Variants in SLC35G2 observed in about 807,000 individuals in gnomAD.
The protein encoded by SLC35G2 is transmembrane protein 22.
Under a neutral mutation model 27.2 loss-of-function variants are expected in SLC35G2, and 20 were observed. The observed-to-expected ratio is 0.74, with a 90% CI of 0.52 to 1.07. The LOEUF (loss-of-function observed/expected upper bound fraction) is 1.07. SLC35G2 is among the 50% of genes least tolerant of loss of function. The probability of loss-of-function intolerance (pLI) is 0.00; values close to 1 mark genes in which losing one functional copy is unlikely to be tolerated. For missense variants in SLC35G2, 416 were observed against 493.3 expected (o/e 0.84, Z 1.48); for synonymous variants, 148 against 165.3 (o/e 0.90, Z 0.80).
At chr3:136,840,722 C>G (rs1477155440) in intron 1 of SLC35G2, among the ~76,000 whole-genome samples, 1 of 151,972 alleles carries the variant, frequency 6.6e-6, no homozygotes, top group Non-Finnish European at 1.5e-5. Context: ...CTCCCTGGTT[C>G]AAGTGATTCT....
Position 136,819,494 on chromosome 3 carries a change from G to T in SLC35G2, c.-153G>T, listed in dbSNP as rs934444568. The T allele has an allele frequency of 1.3e-5, 2 of 152,184 alleles. No individual in the cohort carries two copies. The highest frequency in any genetic ancestry group is 4.8e-5 in the African/African-American group (2 of 41,434). 9.4% of individuals were successfully genotyped at this position (152,184 alleles called of 1,614,324 possible). A position where few individuals can be genotyped will look rare whatever the true frequency, so the allele number is the denominator to read the frequency against. On this transcript the variant is annotated 5_prime_UTR_variant, in exon 1 of 2. Transcript: ENST00000446465. ...TCCTGGAGAACCGGGACACGGGGAC[G>T]GGAGGGCCAGCATCGGCTACGGCCC...
chr3:136,825,433 A>T (rs566807463), intron 1 of SLC35G2, among the ~76,000 whole-genome samples: 2 of 151,888 alleles, frequency 1.3e-5, no homozygotes, highest in East Asian at 3.9e-4. Context: ...AGTAGAGGCA[A>T]GGTTTTGCCG....
chr3:136,844,146 T>A (rs1266075308), intron 1 of SLC35G2, among the ~76,000 whole-genome samples: 1 of 151,954 alleles, frequency 6.6e-6, no homozygotes, highest in Non-Finnish European at 1.5e-5. Flanking sequence ...GAGCCGAGAT[T>A]TCGCCACTGC....
At chr3:136,823,063 C>T (rs758138050) in intron 1 of SLC35G2, among the ~76,000 whole-genome samples, 2 of 152,164 alleles carry the variant, frequency 1.3e-5, no homozygotes, top group Non-Finnish European at 2.9e-5. Context: ...CACATCCTTG[C>T]CAGCTTTTGT....
At chr3:136,847,597 A>T (rs1293338603) in intron 1 of SLC35G2, among the ~76,000 whole-genome samples, 1 of 151,104 alleles carries the variant, frequency 6.6e-6, no homozygotes, top group Non-Finnish European at 1.5e-5. Flanking sequence ...AAGAAAAAAA[A>T]AATTGGCTTA....
intron 1 of SLC35G2, among the ~76,000 whole-genome samples, chr3:136,851,045 G>A (rs1937608582): frequency 6.6e-6 from 1 of 152,136 alleles, no homozygotes; most frequent in Non-Finnish European, 1.5e-5. Flanking sequence ...AAATTCCACT[G>A]AGTTGAGACA....
At chr3:136,833,106 G>T (rs904853750) in intron 1 of SLC35G2, among the ~76,000 whole-genome samples, 16 of 151,104 alleles carry the variant, frequency 1.1e-4, no homozygotes, top group African/African-American at 3.4e-4. Flanking sequence ...AACATAAGAT[G>T]GTGAAAGGAC....
At chr3:136,826,048 A>ATTTTT (rs140784142) in intron 1 of SLC35G2, among the ~76,000 whole-genome samples, 64 of 150,890 alleles carry the variant, frequency 4.2e-4, no homozygotes, top group Non-Finnish European at 8.1e-4. Flanking sequence ...ATTTTATTTT[A>ATTTTT]TTTTTTAAGA....
intron 1 of SLC35G2, among the ~76,000 whole-genome samples, chr3:136,826,986 T>TTTC (rs1936603119): frequency 7.5e-6 from 1 of 132,674 alleles, no homozygotes; most frequent in African/African-American, 2.8e-5. Context: ...TTTTTTTTTT[T>TTTC]AGTATTTATT....
chr3:136,833,967 TGTATA>T (rs1177958577), intron 1 of SLC35G2, among the ~76,000 whole-genome samples: 1 of 151,784 alleles, frequency 6.6e-6, no homozygotes, highest in Non-Finnish European at 1.5e-5. Context: ...TATATGGTAT[TGTATA>T]GTAACCGTAA....
chr3:136,843,043 G>A (rs540882250), intron 1 of SLC35G2: 9 of 152,380 alleles, frequency 5.9e-5, no homozygotes, highest in African/African-American at 1.9e-4. Flanking sequence ...AGAGTTCTGG[G>A]CCAGGCATGG....
intron 1 of SLC35G2, chr3:136,843,322 CAAAAAAAAAAAAA>C (rs36115986): frequency 1.6e-4 from 4 of 25,278 alleles, no homozygotes; most frequent in African/African-American, 2.1e-4. Context: ...GACTCTGTCT[CAAAAAAAAAAAAA>C]AAAAAAAAAA....
chr3:136,822,668 G>A (rs1428682714), intron 1 of SLC35G2, among the ~76,000 whole-genome samples: 1 of 152,204 alleles, frequency 6.6e-6, no homozygotes, highest in Non-Finnish European at 1.5e-5. Flanking sequence ...CCACAGATAA[G>A]TGAAAACACG....
At chr3:136,843,628 A>G (rs1359704313) in intron 1 of SLC35G2, among the ~76,000 whole-genome samples, 1 of 151,586 alleles carries the variant, frequency 6.6e-6, no homozygotes, top group Non-Finnish European at 1.5e-5. Flanking sequence ...CCTGGGCGAC[A>G]GAGTGAGACC....
chr3:136,846,294 A>G (rs987411129), intron 1 of SLC35G2, among the ~76,000 whole-genome samples: 1 of 152,142 alleles, frequency 6.6e-6, no homozygotes, highest in Non-Finnish European at 1.5e-5. Context: ...TAGCTTGGGA[A>G]ATAGTTCCTC....
Position 136,855,131 on chromosome 3 carries a change from C to T in SLC35G2, c.671C>T (p.Ala224Val), listed in dbSNP as rs1275409451. Residue 224 changes from alanine to valine, a missense_variant, in exon 2 of 2, where the codon GCT becomes GTT. Ala to Val is a moderately conservative substitution (Grantham distance 64). Transcript: ENST00000446465. ...GAGAAAATGGCTTATGTTGACATGG[C>T]TACAGTTGTTTGCAGCATCTTAGGT... ...VDEKMAYVDMATVVCSILGVC... is the reference protein window; with the variant it reads ...VDEKMAYVDMVTVVCSILGVC... The T allele has an allele frequency of 6.2e-7, 1 of 1,614,032 alleles. No individual in the cohort carries two copies. Among genetic ancestry groups the T allele is most frequent in the Non-Finnish European group, 8.5e-7 (1 of 1,180,044 alleles).
Position 136,819,375 on chromosome 3 carries a change from GC to G in SLC35G2, c.-271del, listed in dbSNP as rs1201428948. ...AACAGTCTTTTTGGGTAAGGGCCGG[GC>G]TGGGGGCGACGCGCCCCGCCCGCTT... On this transcript the variant is annotated 5_prime_UTR_variant, in exon 1 of 2. Transcript: ENST00000446465. The G allele has an allele frequency of 6.6e-6, 1 of 152,392 alleles. No individual in the cohort carries two copies. Among genetic ancestry groups the G allele is most frequent in the Non-Finnish European group, 1.5e-5 (1 of 68,178 alleles). The allele number at this position is 152,392 out of a possible 1,614,324, so 9.4% of individuals were successfully genotyped here. A position where few individuals can be genotyped will look rare whatever the true frequency, so the allele number is the denominator to read the frequency against.
chr3:136,836,875 G>C (rs528233900), intron 1 of SLC35G2, among the ~76,000 whole-genome samples: 2 of 152,186 alleles, frequency 1.3e-5, no homozygotes, highest in South Asian at 2.1e-4. Flanking sequence ...TTCTTAGATT[G>C]AAATTCTAGG....
intron 1 of SLC35G2, among the ~76,000 whole-genome samples, chr3:136,836,122 TCACA>T (rs541613603): frequency 1.6e-4 from 24 of 151,624 alleles, no homozygotes; most frequent in Admixed American, 1.2e-3. Context: ...GCTAGGAAAT[TCACA>T]CACACACACC....
Sources: gnomAD v4.1 joint callset for allele counts (sites outside exome capture counted in the v4.1 genomes callset) on GRCh38, gnomAD v4.1.1 for gene constraint, MANE v1.5 for transcripts, NCBI Gene and HGNC (gene_info 2026-07-23, HGNC 2026-07-21) for gene names.